The following SEC22A variants were observed in gnomAD, a reference collection of about 807,000 sequenced individuals.
SEC22A encodes the protein vesicle-trafficking protein SEC22a.
Under a neutral mutation model 35.3 loss-of-function variants are expected in SEC22A, and 22 were observed. That is an observed-to-expected ratio of 0.62 (90% CI 0.45 to 0.89). The LOEUF (loss-of-function observed/expected upper bound fraction) is 0.89, where lower values mean the gene tolerates loss of function less well. Ranked by LOEUF, SEC22A falls within the 40% of genes least tolerant of loss-of-function variation. The probability of loss-of-function intolerance (pLI) is 0.00; values close to 1 mark genes in which losing one functional copy is unlikely to be tolerated. For missense variants in SEC22A, 354 were observed against 362.5 expected (o/e 0.98, Z 0.19); for synonymous variants, 119 against 129.5 (o/e 0.92, Z 0.55).
intron 6 of SEC22A, among the ~76,000 whole-genome samples, chr3:123,263,643 G>A (rs1256630071): frequency 1.5e-4 from 23 of 152,018 alleles, no homozygotes; most frequent in Admixed American, 1.5e-3. Context: ...AGCCTCCTGA[G>A]TAGCTGGGAT....
intron 4 of SEC22A, among the ~76,000 whole-genome samples, chr3:123,244,430 G>A (rs750526421): frequency 3.3e-5 from 5 of 152,096 alleles, no homozygotes; most frequent in African/African-American, 7.2e-5. Flanking sequence ...ATGTATAGAC[G>A]AATTAGATAG....
intron 4 of SEC22A, among the ~76,000 whole-genome samples, chr3:123,242,963 C>A (rs1346154771): frequency 2.0e-5 from 3 of 152,122 alleles, no homozygotes; most frequent in African/African-American, 2.4e-5. Flanking sequence ...GTATAACCTT[C>A]ATCATATGAG....
chr3:123,255,354 T>A (rs28594608), intron 5 of SEC22A, among the ~76,000 whole-genome samples: 29,839 of 152,094 alleles, frequency 0.2, 3,037 homozygotes, highest in Middle Eastern at 0.27. Context: ...ACCTGTCCTT[T>A]ACATAGTGGC....
At chr3:123,242,501 C>CTTTTTTTTTTTTTTTTTTTTTTTT (rs11448666) in intron 4 of SEC22A, among the ~76,000 whole-genome samples, 1 of 146,732 alleles carries the variant, frequency 6.8e-6, no homozygotes, top group Non-Finnish European at 1.5e-5. Flanking sequence ...TTCCCCATTT[C>CTTTTTTTTTTTTTTTTTTTTTTTT]TTTTTTTTTT....
At chr3:123,254,501 C>T (rs1937676452) in intron 5 of SEC22A, among the ~76,000 whole-genome samples, 1 of 152,166 alleles carries the variant, frequency 6.6e-6, no homozygotes, top group Non-Finnish European at 1.5e-5. Context: ...CCTCTGTCCA[C>T]TCCCACTTTT....
At chr3:123,224,963 G>A in intron 3 of SEC22A, 140 bp from the exon 4 acceptor site, 1 of 559,722 alleles carries the variant, frequency 1.8e-6, no homozygotes, top group South Asian at 2.9e-5. Context: ...TTAAACACAA[G>A]TAATATTGGA....
intron 4 of SEC22A, among the ~76,000 whole-genome samples, chr3:123,232,566 G>A (rs552876361): frequency 6.6e-6 from 1 of 152,154 alleles, no homozygotes; most frequent in African/African-American, 2.4e-5. Context: ...ACAGTAAAGG[G>A]CCAGATGCTG....
Position 123,209,312 on chromosome 3 carries a change from A to C in SEC22A, c.95A>C (p.Glu32Ala). The C allele has an allele frequency of 6.2e-7, 1 of 1,614,076 alleles. No individual in the cohort carries two copies. The highest frequency in any genetic ancestry group is 8.5e-7 in the Non-Finnish European group (1 of 1,179,930). The change falls in exon 2 of 7, where the codon GAG becomes GCG. Residue 32 changes from glutamate (E) to alanine (A), a missense_variant. Transcript: ENST00000492595. The part of the protein sequence containing the change: ...TDYEQSTGMQ[E>A]CRKYFKMLSR... ...TATGAACAAAGCACAGGAATGCAGG[A>C]GTGCAGAAAGTATTTTAAAATGCTT...
intron 2 of SEC22A, among the ~76,000 whole-genome samples, chr3:123,220,063 C>T (rs951489287): frequency 6.6e-6 from 1 of 152,194 alleles, no homozygotes; most frequent in Non-Finnish European, 1.5e-5. Context: ...AAAATGCTCA[C>T]ATGCCATGTT....
intron 2 of SEC22A, among the ~76,000 whole-genome samples, chr3:123,217,383 A>T (rs1047307827): frequency 2.1e-5 from 3 of 144,574 alleles, no homozygotes; most frequent in African/African-American, 5.1e-5. Flanking sequence ...GTATTTTTTT[A>T]TTTTTTTTTT....
At chr3:123,222,148 T>A (rs569737108) in intron 2 of SEC22A, among the ~76,000 whole-genome samples, 1 of 151,686 alleles carries the variant, frequency 6.6e-6, no homozygotes, top group African/African-American at 2.4e-5. Context: ...TATTGCTTTT[T>A]GGCACAGGAT....
At chr3:123,204,887 A>G (rs998797275) in intron 1 of SEC22A, 4 of 152,202 alleles carry the variant, frequency 2.6e-5, no homozygotes, top group Admixed American at 1.3e-4. Context: ...AAATCTTCCC[A>G]TGCAATTGTT....
chr3:123,257,164 G>T (rs7616757), intron 5 of SEC22A, among the ~76,000 whole-genome samples: 31,778 of 152,074 alleles, frequency 0.21, 3,448 homozygotes, highest in Middle Eastern at 0.28. Flanking sequence ...AGTCTTCTCT[G>T]TATCAATTAA....
chr3:123,220,966 TACTA>T (rs1158082415), intron 2 of SEC22A, among the ~76,000 whole-genome samples: 2 of 150,076 alleles, frequency 1.3e-5, no homozygotes, highest in African/African-American at 2.4e-5. Flanking sequence ...AAGAAATTAT[TACTA>T]ACCTGAATTG....
intron 2 of SEC22A, among the ~76,000 whole-genome samples, chr3:123,212,193 G>A (rs1936949110): frequency 6.6e-6 from 1 of 152,066 alleles, no homozygotes; most frequent in Admixed American, 6.5e-5. Flanking sequence ...TTAGAGAGAG[G>A]GCCCAGGTTA....
chr3:123,259,324 A>G (rs1333736240), intron 5 of SEC22A, among the ~76,000 whole-genome samples, 200 bp from the exon 6 acceptor site: 1 of 151,970 alleles, frequency 6.6e-6, no homozygotes, highest in Non-Finnish European at 1.5e-5. Context: ...ATGAAGAGGA[A>G]CACTTGTACC....
chr3:123,235,369 A>G (rs1937401203), intron 4 of SEC22A, among the ~76,000 whole-genome samples: 1 of 152,246 alleles, frequency 6.6e-6, no homozygotes, highest in African/African-American at 2.4e-5. Flanking sequence ...AAATGGAGAA[A>G]GGATTGGACT....
intron 2 of SEC22A, among the ~76,000 whole-genome samples, chr3:123,211,972 G>A (rs934137015): frequency 6.6e-6 from 1 of 152,046 alleles, no homozygotes; most frequent in Non-Finnish European, 1.5e-5. Context: ...TGGGAGGATC[G>A]CTTGAGCCTA....
intron 6 of SEC22A, among the ~76,000 whole-genome samples, chr3:123,264,942 C>T (rs946891626): frequency 3.9e-5 from 6 of 152,034 alleles, no homozygotes; most frequent in East Asian, 1.9e-4. Context: ...CCACCGAGCC[C>T]GGCCTTGCTT....
Sources: allele counts gnomAD v4.1 joint callset (sites outside exome capture counted in the v4.1 genomes callset), GRCh38; gene constraint gnomAD v4.1.1; transcripts MANE v1.5; gene names NCBI Gene and HGNC (gene_info 2026-07-23, HGNC 2026-07-21).